The following NRG1 variants were observed in gnomAD, a reference collection of about 807,000 sequenced individuals.
The protein encoded by NRG1 is pro-neuregulin-1, membrane-bound isoform.
In NRG1, 18 loss-of-function variants were observed where a neutral mutation model predicts 63.8. The observed-to-expected ratio is 0.28, with a 90% CI of 0.19 to 0.42. The LOEUF is 0.42. Among genes scored for constraint, NRG1 ranks in the 10% least tolerant of loss-of-function variants. NRG1 has a pLI of 1.00. For missense variants in NRG1, 762 were observed against 814.7 expected, an observed-to-expected ratio of 0.94 and a Z score of 0.79; for synonymous variants, 302 against 301.3, an observed-to-expected ratio of 1.00 and a Z score of -0.02.
At chr8:31,739,502 G>A (rs1156734593) in intron 1 of NRG1, among the ~76,000 whole-genome samples, 1 of 152,006 alleles carries the variant, frequency 6.6e-6, no homozygotes, top group Non-Finnish European at 1.5e-5. Context: ...AGGCAGAGTA[G>A]CCTTTCTGAA....
intron 1 of NRG1, among the ~76,000 whole-genome samples, chr8:31,969,662 G>A (rs1404232184): frequency 6.6e-6 from 1 of 152,100 alleles, no homozygotes; most frequent in Non-Finnish European, 1.5e-5. Context: ...TCTTGCACAG[G>A]TCAATCCATT....
In NRG1 at chr8:32,579,397, G is replaced by A. The variant is rs145793018; in HGVS notation, c.101-16431G>A. Reference sequence around the variant, plus strand: ...GGTGATCTGACTTTTCATTTTACACGCAAGAAACTGAGGCTGGAGAGAAAG... The same window carrying A: ...GGTGATCTGACTTTTCATTTTACACACAAGAAACTGAGGCTGGAGAGAAAG... On this transcript the variant is annotated intron_variant, in intron 1 of 11. Coordinates refer to ENST00000356819, the Ensembl canonical transcript of NRG1. 7.5e-3 allele frequency among the ~76,000 whole-genome samples: 1,147 copies of A among 152,088 alleles called. 12 individuals are homozygous for A. Among genetic ancestry groups the A allele is most frequent in the African/African-American group, 0.026 (1,058 of 41,488 alleles).
intron 7 of NRG1, among the ~76,000 whole-genome samples, chr8:32,750,813 G>A (rs1449386164): frequency 6.6e-6 from 1 of 151,888 alleles, no homozygotes; most frequent in Non-Finnish European, 1.5e-5. Context: ...TCTCCAAAGA[G>A]GGAGAAACAC....
intron 1 of NRG1, among the ~76,000 whole-genome samples, chr8:31,882,232 A>G (rs971454162): frequency 1.3e-5 from 2 of 150,594 alleles, no homozygotes; most frequent in Non-Finnish European, 3.0e-5. Flanking sequence ...CCTGTGCTTT[A>G]TAAATAGAAC....
intron 1 of NRG1, among the ~76,000 whole-genome samples, chr8:32,444,231 G>A (rs976129933): frequency 6.6e-5 from 10 of 151,822 alleles, no homozygotes; most frequent in South Asian, 2.1e-4. Flanking sequence ...GGATCCTCCC[G>A]CCTCAGCCTC....
In NRG1 at chr8:31,688,879, A is replaced by G. The variant is rs549532683; in HGVS notation, c.37+49448A>G. Among the ~76,000 whole-genome samples, 8 of 152,320 alleles carry G rather than the reference A, an allele frequency of 5.3e-5. No individual in the cohort carries two copies. In the South Asian group the frequency reaches 1.7e-3, roughly 32 times the overall value. On this transcript the variant is annotated intron_variant, in intron 1 of 10. Transcript: ENST00000519301. ...GTTTATCTCACAGTTCTGGAGGTCA[A>G]AAGTCAAAAGTCTGTCTTACTGGGC...
intron 1 of NRG1, among the ~76,000 whole-genome samples, chr8:32,228,663 G>C (rs1846587419): frequency 6.6e-6 from 1 of 152,070 alleles, no homozygotes; most frequent in South Asian, 2.1e-4. Flanking sequence ...CAATGACTAT[G>C]CTGTATAGAA....
exon 1 of NRG1, chr8:32,548,566 C>G: frequency 1.6e-6 from 2 of 1,279,768 alleles, no homozygotes; most frequent in Non-Finnish European, 2.0e-6. Context: ...GCCGCGCTCC[C>G]TGCAGGCAAC....
intron 1 of NRG1, among the ~76,000 whole-genome samples, chr8:32,385,507 GCGTCTGC>G (rs1418942504): frequency 6.6e-6 from 1 of 152,262 alleles, no homozygotes; most frequent in Non-Finnish European, 1.5e-5. Context: ...AAGTACAGTG[GCGTCTGC>G]TTGGTTTCTG....
chr8:32,123,416 C>T (rs970875030), intron 1 of NRG1, among the ~76,000 whole-genome samples: 1 of 151,824 alleles, frequency 6.6e-6, no homozygotes, highest in Admixed American at 6.6e-5. Context: ...TGTGACTTTG[C>T]TCCTCATTTG....
chr8:31,674,554 G>GATCT (rs1807483579), intron 1 of NRG1, among the ~76,000 whole-genome samples: 1 of 54,392 alleles, frequency 1.8e-5, no homozygotes, highest in African/African-American at 4.4e-5. Context: ...TATGCATCTG[G>GATCT]GTACTTTTTT....
At chr8:31,644,663 A>G (rs928687448) in intron 1 of NRG1, among the ~76,000 whole-genome samples, 1 of 152,186 alleles carries the variant, frequency 6.6e-6, no homozygotes, top group Non-Finnish European at 1.5e-5. Context: ...TGTCAAATAT[A>G]ATCTATTCAT....
rs969888265 is a variant in NRG1, at chr8:31,713,361, C to T, written c.37+73930C>T. The stretch of plus-strand genomic sequence containing the variant: ...TCGATCTCCTGACCTCGTGATCCGC[C>T]GGCCTCGGCCTCCCAAAGTGCTGGG... On this transcript the variant is annotated intron_variant, in intron 1 of 10. Transcript: ENST00000519301. 1.2e-4 allele frequency among the ~76,000 whole-genome samples: 19 copies of T among 152,148 alleles called. No homozygotes were observed. The East Asian group carries it at 2.5e-3, about 20-fold the overall frequency.
chr8:32,692,780 A>G (rs1812129414), intron 5 of NRG1, among the ~76,000 whole-genome samples: 1 of 152,180 alleles, frequency 6.6e-6, no homozygotes, highest in South Asian at 2.1e-4. Context: ...TGCCGAGTGC[A>G]TGGGATACTA....
chr8:31,989,179 A>G, intron 1 of NRG1, among the ~76,000 whole-genome samples: 1 of 134,666 alleles, frequency 7.4e-6, no homozygotes, highest in Non-Finnish European at 1.6e-5. Flanking sequence ...CCCAGGAGGC[A>G]GAGGTTGCAG....
At chr8:32,121,322 C>T (rs1833414573) in intron 1 of NRG1, among the ~76,000 whole-genome samples, 1 of 151,936 alleles carries the variant, frequency 6.6e-6, no homozygotes, top group African/African-American at 2.4e-5. Flanking sequence ...ATGAAAAACA[C>T]TGGGGCTTAA....
chr8:32,574,621 G>A (rs754059503), intron 1 of NRG1, among the ~76,000 whole-genome samples: 40 of 152,008 alleles, frequency 2.6e-4, no homozygotes, highest in Non-Finnish European at 3.1e-4. Flanking sequence ...TTGCTTGCTC[G>A]CTCCTGCTTT....
intron 5 of NRG1, among the ~76,000 whole-genome samples, chr8:32,723,688 CAAAAAAAAAAAAAAAAA>C (rs530225180): frequency 7.1e-4 from 24 of 33,806 alleles, no homozygotes; most frequent in African/African-American, 2.4e-3. Flanking sequence ...GACTCCATCT[CAAAAAAAAAAAAAAAAA>C]AAAAAAAAAA....
At chr8:32,399,309 T>G (rs2129484511) in intron 1 of NRG1, among the ~76,000 whole-genome samples, 1 of 152,362 alleles carries the variant, frequency 6.6e-6, no homozygotes, top group African/African-American at 2.4e-5. Flanking sequence ...GAACCTTCTG[T>G]TTGTCTTTTC....
Sources: allele counts gnomAD v4.1 joint callset (sites outside exome capture counted in the v4.1 genomes callset), GRCh38; gene constraint gnomAD v4.1.1; transcripts MANE v1.5; gene names NCBI Gene and HGNC (gene_info 2026-07-23, HGNC 2026-07-21).